Variants in APP observed in about 807,000 individuals in gnomAD.
The protein encoded by APP is amyloid-beta precursor protein.
In APP, 31 loss-of-function variants were observed where a neutral mutation model predicts 101.4. That is an observed-to-expected ratio of 0.31 (90% CI 0.23 to 0.41). APP has a LOEUF of 0.41. APP is among the 10% of genes least tolerant of loss of function. APP has a pLI of 1.00. For missense variants in APP, 839 were observed against 1,003.7 expected (o/e 0.84, Z 2.22); for synonymous variants, 366 against 364.4 (o/e 1.00, Z -0.05).
intron 6 of APP, among the ~76,000 whole-genome samples, chr21:26,015,286 C>A (rs1378452349): frequency 6.6e-6 from 1 of 152,062 alleles, no homozygotes; most frequent in African/African-American, 2.4e-5. Context: ...ACTAAGAGAG[C>A]AACTAAGGTT....
intron 5 of APP, among the ~76,000 whole-genome samples, chr21:26,022,440 T>C (rs2044384125): frequency 6.6e-6 from 1 of 152,110 alleles, no homozygotes; most frequent in Non-Finnish European, 1.5e-5. Context: ...CATTAAGCAT[T>C]TGTCAAAACC....
At chr21:26,049,860 T>C (rs545671405) in intron 5 of APP, among the ~76,000 whole-genome samples, 1 of 152,310 alleles carries the variant, frequency 6.6e-6, no homozygotes, top group South Asian at 2.1e-4. Context: ...ATCAAAGCTA[T>C]AAACCTTATG....
intron 5 of APP, among the ~76,000 whole-genome samples, chr21:26,029,357 C>T (rs970846979): frequency 6.6e-6 from 1 of 151,980 alleles, no homozygotes; most frequent in Non-Finnish European, 1.5e-5. Context: ...GCTCACAAGG[C>T]AAGTAGCCAA....
At chr21:25,911,675 G>T in intron 14 of APP, 66 bp downstream of exon 14, 1 of 1,382,724 alleles carries the variant, frequency 7.2e-7, no homozygotes, top group Non-Finnish European at 1.0e-6. Flanking sequence ...TCTCTCTCTT[G>T]CACACACGTT....
chr21:26,166,991 A>G (rs2063632550), intron 1 of APP, among the ~76,000 whole-genome samples: 1 of 152,124 alleles, frequency 6.6e-6, no homozygotes, highest in African/African-American at 2.4e-5. Context: ...AGGAATGTAA[A>G]CAAATATTGT....
At chr21:25,945,730 G>A in intron 13 of APP, 1 of 346,332 alleles carries the variant, frequency 2.9e-6, no homozygotes, top group South Asian at 2.1e-5. Context: ...ACAGGGTCTT[G>A]CTCTATTGCC....
At chr21:26,090,409 C>T (rs2061797924) in intron 2 of APP, among the ~76,000 whole-genome samples, 1 of 152,186 alleles carries the variant, frequency 6.6e-6, no homozygotes, top group African/African-American at 2.4e-5. Flanking sequence ...ATACCACTAT[C>T]CACTAAGAGT....
At chr21:25,907,491 T>TA (rs1370913796) in intron 14 of APP, among the ~76,000 whole-genome samples, 1 of 152,246 alleles carries the variant, frequency 6.6e-6, no homozygotes, top group Non-Finnish European at 1.5e-5. Context: ...AATGAAGTGC[T>TA]AAAAAACATC....
intron 5 of APP, among the ~76,000 whole-genome samples, chr21:26,034,515 G>A (rs1015936941): frequency 4.6e-5 from 7 of 151,650 alleles, no homozygotes; most frequent in South Asian, 2.1e-4. Flanking sequence ...GGTGGCGGGC[G>A]CCTATAGTCC....
chr21:26,091,530 T>C (rs59040865), intron 2 of APP, among the ~76,000 whole-genome samples: 3,409 of 152,224 alleles, frequency 0.022, 128 homozygotes, highest in African/African-American at 0.073. Flanking sequence ...GGAAGGATCA[T>C]TGAGATCAAT....
At chr21:25,934,983 G>A (rs748712277) in intron 13 of APP, 1 of 152,194 alleles carries the variant, frequency 6.6e-6, no homozygotes, top group Non-Finnish European at 1.5e-5. Flanking sequence ...TTGGATGCCA[G>A]GTCAACCCTT....
At chr21:25,884,919 A>T (rs558120752) in intron 17 of APP, among the ~76,000 whole-genome samples, 1 of 152,230 alleles carries the variant, frequency 6.6e-6, no homozygotes, top group African/African-American at 2.4e-5. Flanking sequence ...CCAAAGCCTA[A>T]CGCTTAAGAG....
At chr21:26,128,258 G>C (rs539000981) in intron 1 of APP, among the ~76,000 whole-genome samples, 1 of 152,236 alleles carries the variant, frequency 6.6e-6, no homozygotes, top group East Asian at 1.9e-4. Flanking sequence ...AACTATCTAA[G>C]ATATTTTAAC....
intron 1 of APP, among the ~76,000 whole-genome samples, chr21:26,112,437 C>T (rs2062350285): frequency 6.6e-6 from 1 of 152,124 alleles, no homozygotes; most frequent in South Asian, 2.1e-4. Context: ...TTTTGTGGTA[C>T]CTGCTGAAAG....
At chr21:26,011,634 C>T (rs1451114586) in intron 6 of APP, among the ~76,000 whole-genome samples, 1 of 152,116 alleles carries the variant, frequency 6.6e-6, no homozygotes, top group Non-Finnish European at 1.5e-5. Flanking sequence ...ATAGCCCAAG[C>T]AAACACCAGA....
At chr21:26,050,907 T>C (rs1435287951) in intron 5 of APP, 93 bp downstream of exon 5, 1 of 1,497,388 alleles carries the variant, frequency 6.7e-7, no homozygotes, top group East Asian at 2.3e-5. Context: ...AGAGACCTTT[T>C]CAGTGATAAA....
chr21:26,162,505 C>T (rs1569049926), intron 1 of APP, among the ~76,000 whole-genome samples: 1 of 151,936 alleles, frequency 6.6e-6, no homozygotes, highest in Non-Finnish European at 1.5e-5. Flanking sequence ...AACGAGCACA[C>T]AGACAAGGAA....
At position 25,974,935 on chromosome 21, in the gene APP, A is replaced by C. The variant is rs550484740; in HGVS notation, c.1458+135T>G. On this transcript the variant is annotated intron_variant, in intron 11 of 17. Transcript: ENST00000346798. ...CTTTGACCTTCAAGATGGAATGGACAGGGGTTGAACCTCTGAATAACAGTG... is the reference window on the plus strand; with the variant it reads ...CTTTGACCTTCAAGATGGAATGGACCGGGGTTGAACCTCTGAATAACAGTG... The C allele has an allele frequency of 3.0e-6, 4 of 1,323,230 alleles. No individual in the cohort carries two copies. The African/African-American group carries it at 5.8e-5, about 19-fold the overall frequency. 82.0% of individuals were successfully genotyped at this position (1,323,230 alleles called of 1,614,324 possible).
At chr21:25,884,183 C>T (rs991033649) in intron 17 of APP, among the ~76,000 whole-genome samples, 1 of 152,170 alleles carries the variant, frequency 6.6e-6, no homozygotes, top group East Asian at 1.9e-4. Context: ...CCATGTGCCC[C>T]GATTCTTACG....
Sources: allele counts gnomAD v4.1 joint callset (sites outside exome capture counted in the v4.1 genomes callset), GRCh38; gene constraint gnomAD v4.1.1; transcripts MANE v1.5; gene names NCBI Gene and HGNC (gene_info 2026-07-23, HGNC 2026-07-21).